The following FER1L6 variants were observed in gnomAD, a reference collection of about 807,000 sequenced individuals.
FER1L6 encodes the protein fer-1 like family member 6, also known as fer-1-like protein 6.
Under a neutral mutation model 219.2 loss-of-function variants are expected in FER1L6, and 177 were observed. That is an observed-to-expected ratio of 0.81 (90% CI 0.71 to 0.91). The LOEUF (loss-of-function observed/expected upper bound fraction) is 0.91. Among genes scored for constraint, FER1L6 ranks in the 40% least tolerant of loss-of-function variants. The probability of loss-of-function intolerance (pLI) is 0.00; values close to 1 mark genes in which losing one functional copy is unlikely to be tolerated. For missense variants in FER1L6, 2,153 were observed against 2,259.9 expected, an observed-to-expected ratio of 0.95 and a Z score of 0.96; for synonymous variants, 768 against 824.3, an observed-to-expected ratio of 0.93 and a Z score of 1.17.
intron 16 of FER1L6, 49 bp from the exon 17 acceptor site, chr8:124,021,501 G>C (rs1818450409): frequency 1.2e-5 from 20 of 1,604,586 alleles, no homozygotes; most frequent in Non-Finnish European, 1.7e-5. Context: ...GACGCTGCTT[G>C]TTGTCCAGAT....
At chr8:124,098,790 C>T (rs2130974743) in intron 37 of FER1L6, among the ~76,000 whole-genome samples, 1 of 152,254 alleles carries the variant, frequency 6.6e-6, no homozygotes, top group South Asian at 2.1e-4. Context: ...AGCTGACCTT[C>T]TGGAAAATGT....
At chr8:124,018,747 A>T (rs138068034) in intron 16 of FER1L6, among the ~76,000 whole-genome samples, 3 of 152,066 alleles carry the variant, frequency 2.0e-5, no homozygotes, top group African/African-American at 7.2e-5. Context: ...TGCTTATCTC[A>T]CATCACTCCA....
intron 21 of FER1L6, among the ~76,000 whole-genome samples, chr8:124,049,296 A>T (rs1220406524): frequency 6.6e-6 from 1 of 152,054 alleles, no homozygotes; most frequent in Non-Finnish European, 1.5e-5. Flanking sequence ...TACACCTGCC[A>T]CGGCCTTCTA....
chr8:123,926,077 T>C (rs559469549), intron 1 of FER1L6: 4 of 152,270 alleles, frequency 2.6e-5, no homozygotes, highest in South Asian at 4.1e-4. Flanking sequence ...ATTATGGCAG[T>C]CAACATTTAT....
chr8:123,868,459 C>A lies in FER1L6; in HGVS notation c.-8+16274C>A, dbSNP rs901337724. ...AGAGAGCTCTTTCATTTCCCACTAGCATTTTCCCTGATCATTTTATTTATG... is the reference window on the plus strand; with the variant it reads ...AGAGAGCTCTTTCATTTCCCACTAGAATTTTCCCTGATCATTTTATTTATG... On this transcript the variant is annotated intron_variant, in intron 1 of 40. Coordinates refer to ENST00000522917, the MANE Select transcript of FER1L6 (RefSeq NM_001039112.2). 6.6e-5 allele frequency among the ~76,000 whole-genome samples: 10 copies of A among 152,292 alleles called. No homozygotes were observed. The South Asian group carries it at 2.1e-3, about 32-fold the overall frequency.
intron 33 of FER1L6, among the ~76,000 whole-genome samples, chr8:124,083,815 T>C (rs1486921153): frequency 6.6e-6 from 1 of 152,150 alleles, no homozygotes; most frequent in African/African-American, 2.4e-5. Context: ...AAGAATGTCA[T>C]TGGTATTTTG....
intron 39 of FER1L6, among the ~76,000 whole-genome samples, chr8:124,113,573 G>A (rs1823107628): frequency 6.6e-6 from 1 of 152,116 alleles, no homozygotes; most frequent in South Asian, 2.1e-4. Context: ...CCCCCAAAAT[G>A]TCTTATATAG....
At chr8:124,000,536 T>G (rs1031641101) in intron 12 of FER1L6, among the ~76,000 whole-genome samples, 2 of 152,236 alleles carry the variant, frequency 1.3e-5, no homozygotes, top group African/African-American at 2.4e-5. Context: ...CTTGGATTCC[T>G]AATCCTGGTT....
intron 11 of FER1L6, 128 bp downstream of exon 11, chr8:123,980,939 C>A (rs1489890228): frequency 2.6e-6 from 2 of 766,432 alleles, no homozygotes; most frequent in Non-Finnish European, 4.1e-6. Context: ...TTGTGTTGGC[C>A]CAGCCCTGTG....
intron 9 of FER1L6, among the ~76,000 whole-genome samples, chr8:123,976,796 T>G (rs1816093562): frequency 6.6e-6 from 1 of 152,186 alleles, no homozygotes; most frequent in Admixed American, 6.5e-5. Flanking sequence ...ATCTCCTCAG[T>G]TAGTCCTTGT....
At chr8:124,071,875 G>A (rs935242813) in intron 31 of FER1L6, among the ~76,000 whole-genome samples, 17 of 152,160 alleles carry the variant, frequency 1.1e-4, no homozygotes, top group African/African-American at 4.1e-4. Flanking sequence ...GTGTATATAG[G>A]GAGAGTGCGA....
At chr8:124,095,087 A>G in intron 35 of FER1L6, 49 bp downstream of exon 35, 2 of 1,602,494 alleles carry the variant, frequency 1.2e-6, no homozygotes, top group South Asian at 1.1e-5. Context: ...TGTGTACTGT[A>G]GAGTAATGGT....
intron 12 of FER1L6, 87 bp downstream of exon 12, chr8:123,986,263 A>G (rs920137091): frequency 3.9e-6 from 3 of 771,642 alleles, no homozygotes; most frequent in South Asian, 3.3e-5. Context: ...TTACATGAAG[A>G]TAATAGCACT....
chr8:123,867,323 A>T (rs1260982243), intron 1 of FER1L6, among the ~76,000 whole-genome samples: 1 of 152,222 alleles, frequency 6.6e-6, no homozygotes, highest in Non-Finnish European at 1.5e-5. Context: ...TCCCACACAA[A>T]AAATAACTAG....
At chr8:124,063,315 C>T (rs1205215774) in intron 25 of FER1L6, among the ~76,000 whole-genome samples, 4 of 152,118 alleles carry the variant, frequency 2.6e-5, no homozygotes, top group Non-Finnish European at 5.9e-5. Context: ...CAGACCCCTC[C>T]ATGTTTTAAA....
chr8:123,908,259 A>G (rs1364733350), intron 1 of FER1L6, among the ~76,000 whole-genome samples: 2 of 152,236 alleles, frequency 1.3e-5, no homozygotes, highest in Admixed American at 6.5e-5. Context: ...GTGGATAAAC[A>G]TGATGTAGTG....
intron 2 of FER1L6, among the ~76,000 whole-genome samples, chr8:123,962,794 A>T (rs1815354716): frequency 6.6e-6 from 1 of 151,988 alleles, no homozygotes. Context: ...TGCCCGGCTA[A>T]TTTTTGTATT....
intron 19 of FER1L6, among the ~76,000 whole-genome samples, chr8:124,037,014 C>G (rs966782349): frequency 2.6e-5 from 4 of 152,192 alleles, no homozygotes; most frequent in African/African-American, 9.7e-5. Flanking sequence ...ATAACAGACA[C>G]ATCTCTCATA....
chr8:123,895,051 T>C (rs1167848612), intron 1 of FER1L6, among the ~76,000 whole-genome samples: 2 of 152,192 alleles, frequency 1.3e-5, no homozygotes, highest in African/African-American at 4.8e-5. Flanking sequence ...GTAAACATAG[T>C]AATAAGGCAA....
Sources: allele counts gnomAD v4.1 joint callset (sites outside exome capture counted in the v4.1 genomes callset), GRCh38; gene constraint gnomAD v4.1.1; transcripts MANE v1.5; gene names NCBI Gene and HGNC (gene_info 2026-07-23, HGNC 2026-07-21).